Variants in ZNF235 observed in about 807,000 individuals in gnomAD.
ZNF235 encodes zfp-93.
Under a neutral mutation model 29.4 loss-of-function variants are expected in ZNF235, and 25 were observed. The ratio of observed to expected loss-of-function variants is 0.85; its 90% CI spans 0.62 to 1.19. The LOEUF is 1.19. Among genes scored for constraint, ZNF235 ranks in the 50% most tolerant of loss-of-function variants. The pLI is 0.00. For missense variants in ZNF235, 788 were observed against 885.0 expected (o/e 0.89, Z 1.39); for synonymous variants, 300 against 295.3 (o/e 1.02, Z -0.16).
In ZNF235 at chr19:44,289,128, G is replaced by C. The variant is rs1194699271; in HGVS notation, c.307C>G (p.Leu103Val). Residue 103 changes from leucine to valine, a missense_variant, in exon 5 of 5, where the codon CTT becomes GTT. By Grantham distance (32) the Leu-to-Val change is conservative (BLOSUM62 1). Coordinates refer to ENST00000291182, the MANE Select transcript of ZNF235 (RefSeq NM_004234.4). ...AGLRCFSLGE[L>V]SCWQIKRHIA... ...TGTCTCTTGATTTGCCAGCATGAAA[G>C]CTCTCCCAGTGAAAAGCACCTTAAT... 1 of 1,613,988 alleles carries C rather than the reference G, an allele frequency of 6.2e-7. No individual in the cohort carries two copies. The highest frequency in any genetic ancestry group is 8.5e-7 in the Non-Finnish European group (1 of 1,180,022).
At chr19:44,302,865 T>C (rs1051556763) in intron 2 of ZNF235, among the ~76,000 whole-genome samples, 1 of 110,244 alleles carries the variant, frequency 9.1e-6, no homozygotes, top group African/African-American at 2.7e-5. Flanking sequence ...TATATACTTA[T>C]ATATATTTGT....
chr19:44,303,414 C>A lies in ZNF235; in HGVS notation c.-10G>T. 1 of 1,610,602 alleles carries A rather than the reference C, an allele frequency of 6.2e-7. No homozygotes were observed. ...CCTGGAACTTGGTCATTTTTCCCCT[C>A]CTCCTTCTGGGAAAAGGCAGAGTTC... On this transcript the variant is annotated 5_prime_UTR_variant, in exon 2 of 5. Transcript: ENST00000291182.
chr19:44,303,124 C>T (rs1325731367), intron 2 of ZNF235, among the ~76,000 whole-genome samples: 5 of 139,134 alleles, frequency 3.6e-5, no homozygotes, highest in Admixed American at 7.3e-5. Context: ...TAAATATATA[C>T]ATATATATTT....
intron 1 of ZNF235, among the ~76,000 whole-genome samples, chr19:44,304,406 A>G (rs934302188): frequency 6.6e-6 from 1 of 152,182 alleles, no homozygotes; most frequent in Admixed American, 6.5e-5. Context: ...CCTGTCTCCT[A>G]AACAAGAGGC....
chr19:44,291,402 A>G (rs1014424361), intron 4 of ZNF235, among the ~76,000 whole-genome samples: 4 of 152,240 alleles, frequency 2.6e-5, no homozygotes, highest in Non-Finnish European at 5.9e-5. Context: ...TATAAAGCAG[A>G]AATGTGTCAT....
rs891590334 is a variant in ZNF235 at position 44,304,997 on chromosome 19, C to T, written c.-75G>A. On this transcript the variant is annotated 5_prime_UTR_variant, in exon 1 of 5. Transcript: ENST00000291182. ...TCCCTGGGAGATATCTCAGATCCGA[C>T]CTCGCCTTCCTGGAGCGGAAGTGCC... 2.1e-6 allele frequency: 2 copies of T among 962,318 alleles called. No individual in the cohort carries two copies. Among genetic ancestry groups the T allele is most frequent in the Admixed American group, 6.2e-5 (1 of 16,258 alleles). 59.6% of individuals were successfully genotyped at this position (962,318 alleles called of 1,614,324 possible). A position where few individuals can be genotyped will look rare whatever the true frequency, so the allele number is the denominator to read the frequency against.
At chr19:44,295,746 C>A (rs1010918985) in intron 4 of ZNF235, among the ~76,000 whole-genome samples, 2 of 152,008 alleles carry the variant, frequency 1.3e-5, no homozygotes, top group Non-Finnish European at 2.9e-5. Context: ...AATAGATACA[C>A]AGATCAATGG....
At chr19:44,296,684 T>A (rs909042115) in intron 4 of ZNF235, among the ~76,000 whole-genome samples, 1 of 152,136 alleles carries the variant, frequency 6.6e-6, no homozygotes, top group African/African-American at 2.4e-5. Context: ...CTCCACCCAA[T>A]AACAGCAGAA....
At chr19:44,298,191 G>C (rs1975681742) in intron 4 of ZNF235, among the ~76,000 whole-genome samples, 1 of 152,150 alleles carries the variant, frequency 6.6e-6, no homozygotes, top group South Asian at 2.1e-4. Flanking sequence ...GAAAGTAAAA[G>C]GCTGTGATGC....
chr19:44,304,827 GA>G (rs1975807900), intron 1 of ZNF235, 143 bp downstream of exon 1: 4 of 985,338 alleles, frequency 4.1e-6, no homozygotes, highest in Middle Eastern at 5.2e-4. Context: ...CTGCCGAGGG[GA>G]CGCAAACTCC....
chr19:44,286,519 G>A lies in ZNF235; in HGVS notation c.*699C>T, dbSNP rs1975487583. ...ATAAACTGACACTAAAAATCATACT[G>A]TACACAACTGATGATACACTGTACA... On this transcript the variant is annotated 3_prime_UTR_variant, in exon 5 of 5. Transcript: ENST00000291182. 1 of 152,152 alleles carries A rather than the reference G, an allele frequency of 6.6e-6. No homozygotes were observed. The highest frequency in any genetic ancestry group is 6.6e-5 in the Admixed American group (1 of 15,266). 9.4% of individuals were successfully genotyped at this position (152,152 alleles called of 1,614,324 possible).
At chr19:44,300,354 T>G (rs761188512) in intron 2 of ZNF235, among the ~76,000 whole-genome samples, 1 of 152,220 alleles carries the variant, frequency 6.6e-6, no homozygotes, top group Non-Finnish European at 1.5e-5. Flanking sequence ...ATGTTGATCA[T>G]TAACTCTTAT....
chr19:44,295,468 C>G lies in ZNF235; in HGVS notation c.238+3340G>C, dbSNP rs188608413. Among the ~76,000 whole-genome samples, 187 of 152,026 alleles carry G rather than the reference C, an allele frequency of 1.2e-3. 1 individual carries two copies. The highest frequency in any genetic ancestry group is 2.2e-3 in the Non-Finnish European group (147 of 67,938). On this transcript the variant is annotated intron_variant, in intron 4 of 4. Coordinates refer to ENST00000291182, the MANE Select transcript of ZNF235 (RefSeq NM_004234.4). ...GACATAAAAAAAATGGAAAAACATCCCATGTTCATGGATCGGCAGAATCAA... is the reference window on the plus strand; with the variant it reads ...GACATAAAAAAAATGGAAAAACATCGCATGTTCATGGATCGGCAGAATCAA...
intron 4 of ZNF235, among the ~76,000 whole-genome samples, chr19:44,296,365 G>A (rs1384714635): frequency 1.3e-5 from 2 of 152,130 alleles, no homozygotes; most frequent in Non-Finnish European, 2.9e-5. Flanking sequence ...AAACAAATAG[G>A]TCATCCAAAT....
Position 44,305,006 on chromosome 19 carries a change from C to T in ZNF235, c.-84G>A, listed in dbSNP as rs1405809385. 6 of 952,256 alleles carry T rather than the reference C, an allele frequency of 6.3e-6. No individual in the cohort carries two copies. The highest frequency in any genetic ancestry group is 4.8e-5 in the South Asian group (1 of 20,632). 59.0% of individuals were successfully genotyped at this position (952,256 alleles called of 1,614,324 possible). ...GATATCTCAGATCCGACCTCGCCTT[C>T]CTGGAGCGGAAGTGCCTCCGAGTGC... On this transcript the variant is annotated 5_prime_UTR_variant, in exon 1 of 5. Coordinates refer to ENST00000291182, the MANE Select transcript of ZNF235 (RefSeq NM_004234.4).
At chr19:44,293,941 T>C (rs574250294) in intron 4 of ZNF235, among the ~76,000 whole-genome samples, 2 of 125,586 alleles carry the variant, frequency 1.6e-5, no homozygotes, top group Non-Finnish European at 3.3e-5. Context: ...TAGTGTTAAA[T>C]GTCTACACTA....
rs955930269 is a variant in ZNF235 at position 44,304,656 on chromosome 19, T to A, written c.-49+315A>T. ...CATCACTGGGAACGCACTAACCCTTTACAGGCACGAGGAAACTGAGACAAG... is the reference window on the plus strand; with the variant it reads ...CATCACTGGGAACGCACTAACCCTTAACAGGCACGAGGAAACTGAGACAAG... On this transcript the variant is annotated intron_variant, in intron 1 of 4. Coordinates refer to ENST00000291182, the MANE Select transcript of ZNF235 (RefSeq NM_004234.4). 3 of 931,188 alleles carry A rather than the reference T, an allele frequency of 3.2e-6. No individual in the cohort carries two copies. The African/African-American group carries it at 5.3e-5, about 17-fold the overall frequency. 57.7% of individuals were successfully genotyped at this position (931,188 alleles called of 1,614,324 possible).
chr19:44,293,292 A>G (rs374530848), intron 4 of ZNF235, among the ~76,000 whole-genome samples: 1 of 152,146 alleles, frequency 6.6e-6, no homozygotes, highest in African/African-American at 2.4e-5. Flanking sequence ...CTATTTTTAT[A>G]TCAGATAAAA....
Position 44,300,594 on chromosome 19 carries a change from C to CT in ZNF235, c.16-863dup. Among the ~76,000 whole-genome samples the CT allele has an allele frequency of 2.0e-5, 3 of 152,222 alleles. No individual in the cohort carries two copies. The Middle Eastern group carries it at 0.01, about 518-fold the overall frequency. Reference sequence around the variant, plus strand: ...ATGGCTCACTTCTGTAATCCCAGCACTTTGAGAGGTCGAGACGGGCAGATC... The same window carrying CT: ...ATGGCTCACTTCTGTAATCCCAGCACTTTTGAGAGGTCGAGACGGGCAGATC... On this transcript the variant is annotated intron_variant, in intron 2 of 4. Transcript: ENST00000291182.
Sources: gnomAD v4.1 joint callset for allele counts (sites outside exome capture counted in the v4.1 genomes callset) on GRCh38, gnomAD v4.1.1 for gene constraint, MANE v1.5 for transcripts, NCBI Gene and HGNC (gene_info 2026-07-23, HGNC 2026-07-21) for gene names.